Variants in PDHX observed in about 807,000 individuals in gnomAD.
PDHX encodes the protein pyruvate dehydrogenase protein X component, mitochondrial.
In PDHX, 33 loss-of-function variants were observed where a neutral mutation model predicts 55.3. The observed-to-expected ratio is 0.60, with a 90% CI of 0.45 to 0.80. The LOEUF (loss-of-function observed/expected upper bound fraction) is 0.80. Among genes scored for constraint, PDHX ranks in the 30% least tolerant of loss-of-function variants. The pLI, the probability that PDHX is intolerant of heterozygous loss-of-function variation, is 0.00. For missense variants in PDHX, 622 were observed against 619.9 expected, an observed-to-expected ratio of 1.00 and a Z score of -0.04; for synonymous variants, 226 against 219.4, an observed-to-expected ratio of 1.03 and a Z score of -0.27.
At position 34,931,418 on chromosome 11, in the gene PDHX, A is replaced by G; in HGVS notation, c.175A>G (p.Ile59Val). 1 of 1,600,060 alleles carries G rather than the reference A, an allele frequency of 6.2e-7. No individual in the cohort carries two copies. Among genetic ancestry groups the G allele is most frequent in the Non-Finnish European group, 8.6e-7 (1 of 1,168,188 alleles). Residue 59 changes from isoleucine (I) to valine (V), a missense_variant, in exon 2 of 11, where the codon ATA becomes GTA. Transcript: ENST00000227868. ...TTCAATTTCAGGTGATCCCATTAAG[A>G]TACTAATGCCATCACTGTCTCCTAC... The part of the protein sequence containing the change: ...TQWLRGDPIK[I>V]LMPSLSPTME...
At chr11:34,945,550 A>T (rs1356303395) in intron 2 of PDHX, among the ~76,000 whole-genome samples, 1 of 152,076 alleles carries the variant, frequency 6.6e-6, no homozygotes, top group African/African-American at 2.4e-5. Context: ...ATATTACTTC[A>T]TTGTTTTCTG....
intron 1 of PDHX, 25 bp from the exon 2 acceptor site, chr11:34,931,379 C>A: frequency 7.6e-7 from 1 of 1,318,478 alleles, no homozygotes; most frequent in South Asian, 1.2e-5. Flanking sequence ...TGTTGTGGCT[C>A]ATCTTTCCTT....
chr11:34,918,386 A>G (rs1455880006), intron 1 of PDHX, among the ~76,000 whole-genome samples: 3 of 151,832 alleles, frequency 2.0e-5, no homozygotes, highest in Non-Finnish European at 4.4e-5. Flanking sequence ...TCATTGAGCT[A>G]TGATCCTGCC....
chr11:34,967,735 C>G (rs1016761936), intron 6 of PDHX, among the ~76,000 whole-genome samples: 1 of 152,054 alleles, frequency 6.6e-6, no homozygotes. Context: ...ATGTGTACTC[C>G]TAGTGGAGAA....
chr11:34,934,190 G>T (rs1398546107), intron 2 of PDHX, among the ~76,000 whole-genome samples: 1 of 152,138 alleles, frequency 6.6e-6, no homozygotes, highest in Admixed American at 6.5e-5. Flanking sequence ...ATTAATAGCT[G>T]CTAACATCAC....
intron 1 of PDHX, among the ~76,000 whole-genome samples, chr11:34,922,945 G>A (rs1476259566): frequency 6.7e-6 from 1 of 148,666 alleles, no homozygotes; most frequent in Non-Finnish European, 1.5e-5. Flanking sequence ...ATTTCTTTTG[G>A]CTCTTCTCCC....
chr11:34,943,803 A>G (rs1303436060), intron 2 of PDHX, among the ~76,000 whole-genome samples: 1 of 151,640 alleles, frequency 6.6e-6, no homozygotes, highest in Non-Finnish European at 1.5e-5. Context: ...TCTCCTCCTC[A>G]CCTCTTCAGG....
chr11:34,933,963 C>G (rs1446859540), intron 2 of PDHX, among the ~76,000 whole-genome samples: 1 of 151,986 alleles, frequency 6.6e-6, no homozygotes, highest in Non-Finnish European at 1.5e-5. Context: ...TTAGAGGGTG[C>G]TAAGAAATTA....
At chr11:34,983,424 G>T (rs1855564992) in intron 8 of PDHX, among the ~76,000 whole-genome samples, 1 of 152,144 alleles carries the variant, frequency 6.6e-6, no homozygotes, top group East Asian at 1.9e-4. Context: ...TTCTGGCGAG[G>T]GCAATCAGGC....
Position 34,966,727 on chromosome 11 carries a change from A to G in PDHX, c.729A>G (p.Ala243=). 1 of 1,614,056 alleles carries G rather than the reference A, an allele frequency of 6.2e-7. No individual in the cohort carries two copies. Among genetic ancestry groups the G allele is most frequent in the Non-Finnish European group, 8.5e-7 (1 of 1,179,982 alleles). ...CAGCCCCCACAGCCACTCCCACAGC[A>G]CCTTCGCCCCTACAGGCCACAGCTG... is the stretch of plus-strand genomic sequence containing the variant. The part of the protein sequence containing the change: ...PTPAPTATPT[A]PSPLQATAGP... Residue 243 remains alanine (A), a synonymous_variant, in exon 6 of 11, where the codon GCA becomes GCG. Coordinates refer to ENST00000227868, the MANE Select transcript of PDHX (RefSeq NM_003477.3).
intron 2 of PDHX, among the ~76,000 whole-genome samples, chr11:34,937,004 G>A (rs780113355): frequency 5.9e-5 from 9 of 151,826 alleles, no homozygotes; most frequent in Admixed American, 6.6e-5. Context: ...GGCTGGTCTC[G>A]AATTTCTGAC....
In PDHX at chr11:34,994,903, T is replaced by C. The variant is rs762611792; in HGVS notation, c.1248-11T>C. On this transcript the variant is annotated splice_polypyrimidine_tract_variant and intron_variant, in intron 10 of 10. Coordinates refer to ENST00000227868, the MANE Select transcript of PDHX (RefSeq NM_003477.3). ...ACATGCCTCCTTCAGAGCTTTTTCT[T>C]TTCCCCCTAGTATTTCCAACTTGGG... is the stretch of plus-strand genomic sequence containing the variant. 2 of 1,613,840 alleles carry C rather than the reference T, an allele frequency of 1.2e-6. No individual in the cohort carries two copies. The highest frequency in any genetic ancestry group is 4.5e-5 in the East Asian group (2 of 44,890).
At chr11:34,934,506 T>G (rs147801201) in intron 2 of PDHX, among the ~76,000 whole-genome samples, 15 of 151,714 alleles carry the variant, frequency 9.9e-5, no homozygotes, top group African/African-American at 3.6e-4. Flanking sequence ...ATTTTAATTA[T>G]GATTCAAGCA....
At chr11:34,941,720 G>C (rs977440840) in intron 2 of PDHX, 2 of 154,124 alleles carry the variant, frequency 1.3e-5, no homozygotes, top group Non-Finnish European at 2.9e-5. Context: ...ACCATTAACT[G>C]TGTTTGACCA....
chr11:34,920,463 A>G (rs17348697), intron 1 of PDHX, among the ~76,000 whole-genome samples: 33,524 of 152,192 alleles, frequency 0.22, 4,893 homozygotes, highest in Non-Finnish European at 0.34. Flanking sequence ...AGCCTACAGT[A>G]GGATTCCAAG....
intron 8 of PDHX, among the ~76,000 whole-genome samples, chr11:34,979,512 G>T (rs1855458751): frequency 6.6e-6 from 1 of 152,026 alleles, no homozygotes; most frequent in South Asian, 2.1e-4. Flanking sequence ...TTTATTTCTT[G>T]AAAAATACAT....
At chr11:34,944,049 A>G (rs1446248022) in intron 2 of PDHX, among the ~76,000 whole-genome samples, 3 of 147,328 alleles carry the variant, frequency 2.0e-5, no homozygotes, top group Admixed American at 6.9e-5. Context: ...TATATATTTT[A>G]TATGTAATAT....
At chr11:34,956,618 T>G (rs1854910834) in intron 3 of PDHX, among the ~76,000 whole-genome samples, 1 of 152,156 alleles carries the variant, frequency 6.6e-6, no homozygotes, top group African/African-American at 2.4e-5. Context: ...AAATTAATGC[T>G]GCTGAAATGC....
chr11:34,984,240 T>C (rs1349273445), intron 8 of PDHX, among the ~76,000 whole-genome samples: 1 of 152,182 alleles, frequency 6.6e-6, no homozygotes, highest in African/African-American at 2.4e-5. Context: ...TTCGTTATCA[T>C]ATGAGGTAGG....
Sources: allele counts gnomAD v4.1 joint callset (sites outside exome capture counted in the v4.1 genomes callset), GRCh38; gene constraint gnomAD v4.1.1; transcripts MANE v1.5; gene names NCBI Gene and HGNC (gene_info 2026-07-23, HGNC 2026-07-21).